The following VWC2L variants were observed in gnomAD, a reference collection of about 807,000 sequenced individuals.
VWC2L encodes von Willebrand factor C domain-containing protein 2-like.
VWC2L carries 10 observed loss-of-function variants against 21.6 expected under a neutral mutation model. The observed-to-expected ratio is 0.46, with a 90% CI of 0.29 to 0.78. The LOEUF is 0.78. Among genes scored for constraint, VWC2L ranks in the 30% least tolerant of loss-of-function variants. VWC2L has a pLI of 0.10. For synonymous variants in VWC2L, 96 were observed against 94.3 expected, an observed-to-expected ratio of 1.02 and a Z score of -0.10; for missense variants, 209 against 277.1, an observed-to-expected ratio of 0.75 and a Z score of 1.74.
chr2:214,462,769 C>G (rs937086523), intron 3 of VWC2L, among the ~76,000 whole-genome samples: 1 of 152,080 alleles, frequency 6.6e-6, no homozygotes, highest in Admixed American at 6.5e-5. Flanking sequence ...TTTCTAATAC[C>G]GTAAGCTTTT....
intron 3 of VWC2L, among the ~76,000 whole-genome samples, chr2:214,516,725 T>G (rs1689150030): frequency 6.6e-6 from 1 of 152,010 alleles, no homozygotes; most frequent in African/African-American, 2.4e-5. Context: ...CCAGAGGGTC[T>G]TCTTTACCAA....
At chr2:214,440,594 A>G (rs922383843) in intron 3 of VWC2L, among the ~76,000 whole-genome samples, 1 of 152,090 alleles carries the variant, frequency 6.6e-6, no homozygotes. Flanking sequence ...GAAACTGACC[A>G]TAAATTTGAC....
chr2:214,572,015 C>G (rs1559335139), intron 3 of VWC2L, among the ~76,000 whole-genome samples: 1 of 152,132 alleles, frequency 6.6e-6, no homozygotes, highest in East Asian at 1.9e-4. Flanking sequence ...CTCCTGGGCT[C>G]AAGTGATCCT....
At chr2:214,571,733 TCATTCTTTCATTCA>T (rs1057274667) in intron 3 of VWC2L, among the ~76,000 whole-genome samples, 4 of 152,300 alleles carry the variant, frequency 2.6e-5, no homozygotes, top group African/African-American at 7.2e-5. Context: ...TCATTCTCTT[TCATTCTTTCATTCA>T]CATTCTTTCA....
intron 3 of VWC2L, among the ~76,000 whole-genome samples, chr2:214,521,271 AT>A (rs1689236297): frequency 4.0e-5 from 6 of 151,424 alleles, no homozygotes; most frequent in South Asian, 2.1e-4. Flanking sequence ...AAATAAATAA[AT>A]AAATAAAACT....
intron 3 of VWC2L, among the ~76,000 whole-genome samples, chr2:214,489,023 C>G (rs1688711523): frequency 6.6e-6 from 1 of 152,200 alleles, no homozygotes; most frequent in South Asian, 2.1e-4. Flanking sequence ...TGGGGACAAA[C>G]TTGATACATT....
At chr2:214,490,922 G>A (rs1688737104) in intron 3 of VWC2L, among the ~76,000 whole-genome samples, 1 of 152,202 alleles carries the variant, frequency 6.6e-6, no homozygotes, top group Non-Finnish European at 1.5e-5. Flanking sequence ...TGCTAAATGA[G>A]AGAAGCAAAA....
In VWC2L at chr2:214,576,098, G is replaced by A. The variant is rs1051806003; in HGVS notation, c.*278G>A. 5.2e-5 allele frequency: 11 copies of A among 211,048 alleles called. No individual in the cohort carries two copies. The highest frequency in any genetic ancestry group is 8.4e-5 in the Non-Finnish European group (9 of 106,624). The allele number at this position is 211,048 out of a possible 1,614,324, so 13.1% of individuals were successfully genotyped here. ...ACTGGATTGCTGGAACAAAAAGAAAGAAATAGCCTTGCACAGGCTCCTTCC... is the reference window on the plus strand; with the variant it reads ...ACTGGATTGCTGGAACAAAAAGAAAAAAATAGCCTTGCACAGGCTCCTTCC... On this transcript the variant is annotated 3_prime_UTR_variant, in exon 4 of 4. Transcript: ENST00000312504.
intron 3 of VWC2L, among the ~76,000 whole-genome samples, chr2:214,548,021 C>A (rs950612339): frequency 1.3e-5 from 2 of 152,210 alleles, no homozygotes; most frequent in Non-Finnish European, 2.9e-5. Flanking sequence ...AGGTTTCACA[C>A]TGAGTCATGC....
chr2:214,420,090 A>G (rs1256605816), intron 2 of VWC2L, among the ~76,000 whole-genome samples: 2 of 152,090 alleles, frequency 1.3e-5, no homozygotes, highest in East Asian at 3.9e-4. Context: ...AAGCCGTGGG[A>G]TTATTTTGCC....
At chr2:214,531,476 A>G (rs1419270933) in intron 3 of VWC2L, among the ~76,000 whole-genome samples, 1 of 152,112 alleles carries the variant, frequency 6.6e-6, no homozygotes, top group African/African-American at 2.4e-5. Context: ...AAAAGGAGCA[A>G]TTTTGCATTT....
At chr2:214,572,687 C>T (rs57741816) in intron 3 of VWC2L, among the ~76,000 whole-genome samples, 47,514 of 151,916 alleles carry the variant, frequency 0.31, 8,973 homozygotes, top group African/African-American at 0.55. Context: ...ACCATTCTGC[C>T]TGACAATTAT....
intron 3 of VWC2L, among the ~76,000 whole-genome samples, chr2:214,552,627 G>C (rs1689811866): frequency 6.6e-6 from 1 of 152,098 alleles, no homozygotes; most frequent in Non-Finnish European, 1.5e-5. Flanking sequence ...TTAATTCACA[G>C]CTCCCTTCCC....
chr2:214,439,620 AT>A (rs1383934032), intron 3 of VWC2L, among the ~76,000 whole-genome samples: 12 of 151,940 alleles, frequency 7.9e-5, no homozygotes, highest in African/African-American at 2.7e-4. Context: ...GGTTTTTCAT[AT>A]TAAAATTGAT....
rs78210532 is a variant in VWC2L at position 214,493,031 on chromosome 2, A to G, written c.520+56273A>G. Among the ~76,000 whole-genome samples, 1,376 of 152,348 alleles carry G rather than the reference A, an allele frequency of 9.0e-3. 23 individuals carry two copies. The highest frequency in any genetic ancestry group is 0.031 in the African/African-American group (1,298 of 41,572). On this transcript the variant is annotated intron_variant, in intron 3 of 3. Coordinates refer to ENST00000312504, the MANE Select transcript of VWC2L (RefSeq NM_001080500.4). Reference sequence around the variant, plus strand: ...TCAGGGAGAAGATGACAAATAATTGAGAACAATATTAAACAAAATATATCA... The same window carrying G: ...TCAGGGAGAAGATGACAAATAATTGGGAACAATATTAAACAAAATATATCA...
intron 3 of VWC2L, among the ~76,000 whole-genome samples, chr2:214,482,902 G>A (rs571479019): frequency 3.9e-5 from 6 of 152,160 alleles, no homozygotes; most frequent in East Asian, 1.9e-4. Context: ...TCGAGGGGGC[G>A]GGGCAGAAGT....
intron 3 of VWC2L, among the ~76,000 whole-genome samples, chr2:214,496,203 C>T (rs28461862): frequency 0.22 from 33,282 of 148,964 alleles, 3,920 homozygotes; most frequent in Admixed American, 0.25. Context: ...ATTTTTGTAT[C>T]TAATCATAGA....
At chr2:214,436,504 T>C in intron 2 of VWC2L, 125 bp from the exon 3 acceptor site, 1 of 1,226,110 alleles carries the variant, frequency 8.2e-7, no homozygotes, top group Non-Finnish European at 1.1e-6. Flanking sequence ...ATCGTAGACA[T>C]GGTAAATGGA....
intron 3 of VWC2L, among the ~76,000 whole-genome samples, chr2:214,448,384 T>C (rs1702871000): frequency 6.6e-6 from 1 of 152,232 alleles, no homozygotes; most frequent in African/African-American, 2.4e-5. Flanking sequence ...TTCTATTTCA[T>C]ACAGAATAAC....
Sources: gnomAD v4.1 joint callset for allele counts (sites outside exome capture counted in the v4.1 genomes callset) on GRCh38, gnomAD v4.1.1 for gene constraint, MANE v1.5 for transcripts, NCBI Gene and HGNC (gene_info 2026-07-23, HGNC 2026-07-21) for gene names.